Variants in PHF2 observed in about 807,000 individuals in gnomAD.
PHF2 encodes lysine-specific demethylase PHF2.
A neutral mutation model predicts 120.5 loss-of-function variants in PHF2; 27 were observed. That is an observed-to-expected ratio of 0.22 (90% CI 0.17 to 0.31). The LOEUF (loss-of-function observed/expected upper bound fraction) is 0.31, where lower values mean the gene tolerates loss of function less well. Among genes scored for constraint, PHF2 ranks in the 10% least tolerant of loss-of-function variants. PHF2 has a pLI of 1.00. For synonymous variants in PHF2, 568 were observed against 592.5 expected (o/e 0.96, Z 0.60); for missense variants, 1,024 against 1,434.8 (o/e 0.71, Z 4.63).
At chr9:93,641,878 A>G (rs1317463538) in intron 3 of PHF2, among the ~76,000 whole-genome samples, 2 of 152,180 alleles carry the variant, frequency 1.3e-5, no homozygotes, top group Non-Finnish European at 2.9e-5. Context: ...TTGAAGATTT[A>G]TGCCTTTGTT....
rs1405574349 is a variant in PHF2, at chr9:93,657,229, G to T, written c.1147+634G>T. Reference sequence around the variant, plus strand: ...ATGCGTGATTTCCTTTCTCGGTGTGGTTGCTCTTAGTTGCTCTTTTTTGGT... The same window carrying T: ...ATGCGTGATTTCCTTTCTCGGTGTGTTTGCTCTTAGTTGCTCTTTTTTGGT... On this transcript the variant is annotated intron_variant, in intron 9 of 21. Coordinates refer to ENST00000359246, the MANE Select transcript of PHF2 (RefSeq NM_005392.4). 3.9e-5 allele frequency among the ~76,000 whole-genome samples: 6 copies of T among 152,180 alleles called. No homozygotes were observed. In the East Asian group the frequency reaches 7.7e-4, roughly 19 times the overall value.
In PHF2 at chr9:93,673,669, G is replaced by T. The variant is rs751469501; in HGVS notation, c.2433G>T (p.Leu811=). ...ACCTGCAGGCCTCCGACTCCTGCCT[G>T]CAGACCACGTGGGGAGCTGGCCAGG... ...MANLQASDSC[L]QTTWGAGQAK... Residue 811 remains leucine (L), a synonymous_variant, in exon 18 of 22, where the codon CTG becomes CTT. Transcript: ENST00000359246. 6.2e-7 allele frequency: 1 copy of T among 1,612,234 alleles called. No homozygotes were observed. Among genetic ancestry groups the T allele is most frequent in the Non-Finnish European group, 8.5e-7 (1 of 1,179,124 alleles).
At chr9:93,592,615 C>T (rs1055743234) in intron 1 of PHF2, among the ~76,000 whole-genome samples, 1 of 152,090 alleles carries the variant, frequency 6.6e-6, no homozygotes, top group South Asian at 2.1e-4. Context: ...GGCTCTTTCC[C>T]GAGCCAAAGC....
chr9:93,579,454 C>A (rs542601722), intron 1 of PHF2, among the ~76,000 whole-genome samples: 1 of 152,278 alleles, frequency 6.6e-6, no homozygotes, highest in African/African-American at 2.4e-5. Flanking sequence ...AAGGAGTTAA[C>A]GCTGGTGCCG....
At position 93,667,255 on chromosome 9, in the gene PHF2, C is replaced by G. The variant is rs779730063; in HGVS notation, c.2348+15C>G. 13 of 1,603,528 alleles carry G rather than the reference C, an allele frequency of 8.1e-6. No homozygotes were observed. Among genetic ancestry groups the G allele is most frequent in the Non-Finnish European group, 1.1e-5 (13 of 1,176,078 alleles). ...AACCCCAGCAGGTGGGCCCCACCAC[C>G]CGGCAGCACCCAAGAGCGGGGACCA... On this transcript the variant is annotated intron_variant, in intron 17 of 21. Transcript: ENST00000359246.
At position 93,636,934 on chromosome 9, in the gene PHF2, A is replaced by G. The variant is rs548428237; in HGVS notation, c.299+409A>G. ...TCATGTCTCCTTCTCAGAGACCCCC[A>G]GTGCCCACACTCTTTTTCTGCATGA... On this transcript the variant is annotated intron_variant, in intron 3 of 21. Coordinates refer to ENST00000359246, the MANE Select transcript of PHF2 (RefSeq NM_005392.4). 2.6e-4 allele frequency among the ~76,000 whole-genome samples: 40 copies of G among 152,266 alleles called. No individual in the cohort carries two copies. The South Asian group carries it at 8.3e-3, about 32-fold the overall frequency.
At chr9:93,670,919 A>C (rs1399618120) in intron 17 of PHF2, 1 of 858,190 alleles carries the variant, frequency 1.2e-6, no homozygotes, top group African/African-American at 1.9e-5. Context: ...GCAAAGAGAA[A>C]GCCTGGGAGT....
At chr9:93,626,243 C>G (rs1411300476) in intron 1 of PHF2, among the ~76,000 whole-genome samples, 1 of 152,036 alleles carries the variant, frequency 6.6e-6, no homozygotes, top group Non-Finnish European at 1.5e-5. Flanking sequence ...GACTCCATCT[C>G]AAAAACAACA....
intron 1 of PHF2, among the ~76,000 whole-genome samples, chr9:93,627,457 T>A (rs1336989280): frequency 6.7e-6 from 1 of 150,364 alleles, no homozygotes; most frequent in Non-Finnish European, 1.5e-5. Flanking sequence ...TAATTTTATA[T>A]CTTCCTTTCC....
intron 1 of PHF2, among the ~76,000 whole-genome samples, chr9:93,609,293 A>G (rs1466873659): frequency 2.6e-5 from 4 of 152,050 alleles, no homozygotes; most frequent in Non-Finnish European, 5.9e-5. Flanking sequence ...ATTATTGGTG[A>G]ACAAACTTGT....
intron 17 of PHF2, among the ~76,000 whole-genome samples, chr9:93,672,169 T>A (rs1447280374): frequency 2.2e-5 from 2 of 89,846 alleles, no homozygotes; most frequent in African/African-American, 1.0e-4. Flanking sequence ...TGGGTGTGGA[T>A]GTAGGTACAG....
chr9:93,579,003 C>T (rs896665183), intron 1 of PHF2, among the ~76,000 whole-genome samples: 1 of 152,170 alleles, frequency 6.6e-6, no homozygotes. Flanking sequence ...AAAGTGAACC[C>T]TACAGGGAGA....
chr9:93,644,629 C>A (rs552163836), intron 3 of PHF2, among the ~76,000 whole-genome samples: 1 of 152,162 alleles, frequency 6.6e-6, no homozygotes, highest in African/African-American at 2.4e-5. Context: ...CTGCTCACAA[C>A]TGTGCCCATC....
At chr9:93,588,328 A>T (rs1447357487) in intron 1 of PHF2, among the ~76,000 whole-genome samples, 2 of 152,098 alleles carry the variant, frequency 1.3e-5, no homozygotes, top group Admixed American at 6.5e-5. Context: ...TGCGGGATAG[A>T]GGGGAGCAGC....
At chr9:93,650,536 G>A (rs1234073011) in intron 5 of PHF2, among the ~76,000 whole-genome samples, 1 of 152,214 alleles carries the variant, frequency 6.6e-6, no homozygotes, top group Non-Finnish European at 1.5e-5. Flanking sequence ...GGTTGGCCCG[G>A]TCCCCCTGAG....
At chr9:93,577,666 G>T (rs1448726915) in intron 1 of PHF2, among the ~76,000 whole-genome samples, 2 of 152,158 alleles carry the variant, frequency 1.3e-5, no homozygotes, top group Non-Finnish European at 2.9e-5. Flanking sequence ...CGGCAGGAAC[G>T]CCGGTTTTGA....
intron 17 of PHF2, among the ~76,000 whole-genome samples, 197 bp downstream of exon 17, chr9:93,667,437 G>C (rs1229311527): frequency 6.6e-6 from 1 of 152,238 alleles, no homozygotes; most frequent in Admixed American, 6.5e-5. Flanking sequence ...TCAATCAAGG[G>C]CTTCTTTTTC....
At chr9:93,635,462 C>T (rs1299177888) in intron 2 of PHF2, among the ~76,000 whole-genome samples, 1 of 152,232 alleles carries the variant, frequency 6.6e-6, no homozygotes, top group African/African-American at 2.4e-5. Context: ...AAGGGTCAGC[C>T]TGTGTCAGAC....
intron 17 of PHF2, among the ~76,000 whole-genome samples, chr9:93,669,475 G>A (rs1826742972): frequency 6.6e-6 from 1 of 152,256 alleles, no homozygotes; most frequent in African/African-American, 2.4e-5. Context: ...TGCCTTCTGA[G>A]GAGTGCTTGA....
Sources: gnomAD v4.1 joint callset for allele counts (sites outside exome capture counted in the v4.1 genomes callset) on GRCh38, gnomAD v4.1.1 for gene constraint, MANE v1.5 for transcripts, NCBI Gene and HGNC (gene_info 2026-07-23, HGNC 2026-07-21) for gene names.